SLC9A1: variants seen among roughly 807,000 people sequenced by gnomAD.
SLC9A1 encodes solute carrier family 9 member A1.
In SLC9A1, 22 loss-of-function variants were observed where a neutral mutation model predicts 67.9. That is an observed-to-expected ratio of 0.32 (90% CI 0.23 to 0.46). The LOEUF (loss-of-function observed/expected upper bound fraction) is 0.46. SLC9A1 is among the 20% of genes least tolerant of loss of function. The pLI is 1.00. For missense variants in SLC9A1, 686 were observed against 1,094.8 expected (o/e 0.63, Z 5.27); for synonymous variants, 421 against 471.8 (o/e 0.89, Z 1.40).
chr1:27,102,232 C>T (rs998026510), intron 8 of SLC9A1, 102 bp from the exon 9 acceptor site: 10 of 1,329,224 alleles, frequency 7.5e-6, no homozygotes, highest in Admixed American at 7.1e-5. Flanking sequence ...CCCAGGTGGG[C>T]GCCAAAGCCT....
rs956609694 is a variant in SLC9A1 at position 27,100,032 on chromosome 1, G to C, written c.*275C>G. On this transcript the variant is annotated 3_prime_UTR_variant, in exon 12 of 12. Coordinates refer to ENST00000263980, the MANE Select transcript of SLC9A1 (RefSeq NM_003047.5). This position sits in a 1 kb window ranked among gnomAD's most constrained non-coding sequence, Gnocchi z 5.6. ...GCCTCCGAGGCCCTAGTCCAGGTCC[G>C]GGAGAAGCCTGGATCTAGGGAGGGG... 7.5e-6 allele frequency: 3 copies of C among 401,350 alleles called. No individual in the cohort carries two copies. Among genetic ancestry groups the C allele is most frequent in the Admixed American group, 8.1e-5 (2 of 24,700 alleles). The allele number at this position is 401,350 out of a possible 1,614,324, so 24.9% of individuals were successfully genotyped here.
intron 1 of SLC9A1, among the ~76,000 whole-genome samples, chr1:27,147,527 G>T (rs1277626082): frequency 2.0e-5 from 3 of 151,736 alleles, no homozygotes; most frequent in Non-Finnish European, 4.4e-5. Context: ...AGGGAGTCAG[G>T]TGTGATGGCT....
chr1:27,131,646 G>C (rs1332816883), intron 1 of SLC9A1, among the ~76,000 whole-genome samples: 1 of 150,880 alleles, frequency 6.6e-6, no homozygotes, highest in Non-Finnish European at 1.5e-5. Context: ...TACTCAGAAG[G>C]CTGGGGCAGG....
chr1:27,100,841 C>T lies in SLC9A1; in HGVS notation c.2111-197G>A, dbSNP rs913655787. On this transcript the variant is annotated intron_variant, in intron 11 of 11. Coordinates refer to ENST00000263980, the MANE Select transcript of SLC9A1 (RefSeq NM_003047.5). The surrounding 1 kb of genome is among the most constrained non-coding windows in gnomAD (Gnocchi z 5.6). Reference sequence around the variant, plus strand: ...CTCAGACTGTGGCCCTCTCCTTTGACAGGGGCTCCCAGAGGTGTCCCTCCA... The same window carrying T: ...CTCAGACTGTGGCCCTCTCCTTTGATAGGGGCTCCCAGAGGTGTCCCTCCA... Among the ~76,000 whole-genome samples the T allele has an allele frequency of 6.6e-6, 1 of 152,258 alleles. No individual in the cohort carries two copies. Among genetic ancestry groups the T allele is most frequent in the Non-Finnish European group, 1.5e-5 (1 of 68,040 alleles).
At chr1:27,133,242 A>AT in intron 1 of SLC9A1, among the ~76,000 whole-genome samples, 1 of 151,844 alleles carries the variant, frequency 6.6e-6, no homozygotes, top group South Asian at 2.1e-4. Context: ...TAATTTCTGT[A>AT]TTTTTTAGTA....
chr1:27,111,581 T>C (rs1487410298), intron 2 of SLC9A1, among the ~76,000 whole-genome samples: 1 of 152,102 alleles, frequency 6.6e-6, no homozygotes, highest in African/African-American at 2.4e-5. Context: ...GCATCGCTTG[T>C]GCCCGGGAGC....
chr1:27,143,271 T>C (rs570340871), intron 1 of SLC9A1, among the ~76,000 whole-genome samples: 49 of 152,052 alleles, frequency 3.2e-4, no homozygotes, highest in Non-Finnish European at 5.7e-4. Flanking sequence ...ATGTTCCTCT[T>C]CTACCCCTGG....
intron 2 of SLC9A1, among the ~76,000 whole-genome samples, chr1:27,112,883 CAAAAAAAA>C (rs58540104): frequency 2.4e-5 from 1 of 41,502 alleles, no homozygotes; most frequent in African/African-American, 8.5e-5. Context: ...GACTCCATCT[CAAAAAAAA>C]AAAAAAAAAA....
intron 1 of SLC9A1, among the ~76,000 whole-genome samples, chr1:27,145,769 G>A (rs566076401): frequency 6.0e-4 from 92 of 152,250 alleles, no homozygotes; most frequent in Middle Eastern, 3.4e-3. Context: ...GGGAACTCTG[G>A]ATTCTTGGCA....
rs935436612 is a variant in SLC9A1 at position 27,106,415 on chromosome 1, T to TG, written c.1283-329dup. On this transcript the variant is annotated intron_variant, in intron 4 of 11. Coordinates refer to ENST00000263980, the MANE Select transcript of SLC9A1 (RefSeq NM_003047.5). This position sits in a 1 kb window ranked among gnomAD's most constrained non-coding sequence, Gnocchi z 4.3. ...ATACTTGTTAAATGTGATGGGTGTG[T>TG]GGGGGGTCATGATCCTATTCTCTCT... Among the ~76,000 whole-genome samples, 6 of 151,958 alleles carry TG rather than the reference T, an allele frequency of 3.9e-5. No individual in the cohort carries two copies. Among genetic ancestry groups the TG allele is most frequent in the Middle Eastern group, 3.4e-3 (1 of 292 alleles).
At chr1:27,133,782 T>TG (rs2083401512) in intron 1 of SLC9A1, among the ~76,000 whole-genome samples, 1 of 151,256 alleles carries the variant, frequency 6.6e-6, no homozygotes, top group African/African-American at 2.4e-5. Context: ...TTTTTTTTTT[T>TG]GGGACAGAAT....
rs1285904105 is a variant in SLC9A1 at position 27,105,874 on chromosome 1, TG to T, written c.1485+10del. 1 of 1,612,038 alleles carries T rather than the reference TG, an allele frequency of 6.2e-7. No homozygotes were observed. Among genetic ancestry groups the T allele is most frequent in the South Asian group, 1.1e-5 (1 of 91,074 alleles). Reference sequence around the variant, plus strand: ...CCCAAGGCAAGGGCCTGCCCTGCCCTGGCCCAGCACCTGCACAAAGACGGTG... The same window carrying T: ...CCCAAGGCAAGGGCCTGCCCTGCCCTGCCCAGCACCTGCACAAAGACGGTG... On this transcript the variant is annotated intron_variant, in intron 5 of 11. Coordinates refer to ENST00000263980, the MANE Select transcript of SLC9A1 (RefSeq NM_003047.5).
Position 27,109,620 on chromosome 1 carries a change from G to A in SLC9A1, c.971C>T (p.Ser324Phe). The change falls in exon 3 of 12, where the codon TCC (serine) becomes TTC (phenylalanine). Residue 324 changes from serine (S) to phenylalanine (F), a missense_variant. Physicochemically the swap from Ser to Phe is radical, Grantham distance 155. Around this residue, in one of 7 missense-constraint regions of SLC9A1, gnomAD observed 58 missense variants for 68.9 expected, o/e 0.84. Transcript: ENST00000263980. The surrounding 1 kb of genome is among the most constrained non-coding windows in gnomAD (Gnocchi z 5.5). Reference sequence around the variant, plus strand: ...GAGCGGCTCGATGACCCGGATGTGGGAGGTAAATCGGGAGGTGAAGGCTGC... The same window carrying A: ...GAGCGGCTCGATGACCCGGATGTGGAAGGTAAATCGGGAGGTGAAGGCTGC... ...VIAAFTSRFT[S>F]HIRVIEPLFV... 1 of 1,613,956 alleles carries A rather than the reference G, an allele frequency of 6.2e-7. No homozygotes were observed. Among genetic ancestry groups the A allele is most frequent in the Non-Finnish European group, 8.5e-7 (1 of 1,179,992 alleles).
Position 27,102,505 on chromosome 1 carries a change from C to T in SLC9A1, c.1700G>A (p.Arg567His), listed in dbSNP as rs908760655. Residue 567 changes from arginine to histidine, a missense_variant, in exon 8 of 12, where the codon CGC becomes CAC. Arg to His is a conservative substitution (Grantham distance 29, BLOSUM62 0). Coordinates refer to ENST00000263980, the MANE Select transcript of SLC9A1 (RefSeq NM_003047.5). ...GGCAATGAGCTGGGGCTCCTTGGAG[C>T]GCTCGCCAGCTATCAGACACTTCTT... ...YVKKCLIAGERSKEPQLIAFY... is the reference protein window; with the variant it reads ...YVKKCLIAGEHSKEPQLIAFY... 1 of 1,609,754 alleles carries T rather than the reference C, an allele frequency of 6.2e-7. No homozygotes were observed. The highest frequency in any genetic ancestry group is 8.5e-7 in the Non-Finnish European group (1 of 1,176,716).
At chr1:27,140,745 A>C (rs189296187) in intron 1 of SLC9A1, among the ~76,000 whole-genome samples, 1 of 152,324 alleles carries the variant, frequency 6.6e-6, no homozygotes, top group Non-Finnish European at 1.5e-5. Flanking sequence ...TTGTCATACA[A>C]AATCACCCTT....
intron 1 of SLC9A1, among the ~76,000 whole-genome samples, chr1:27,117,386 A>G (rs2083278953): frequency 6.6e-6 from 1 of 152,180 alleles, no homozygotes. Flanking sequence ...GGCAGAGTCT[A>G]AAGAGATAGT....
chr1:27,154,185 C>T lies in SLC9A1; in HGVS notation c.150G>A (p.Glu50=). 1.9e-6 allele frequency: 3 copies of T among 1,614,144 alleles called. No homozygotes were observed. The highest frequency in any genetic ancestry group is 2.5e-6 in the Non-Finnish European group (3 of 1,180,008). ...CCCCAATCGAGCGTTCTCGTGGTGGCTCTGAGCTTCGAATGGTGCTGGCAG... is the reference window on the plus strand; with the variant it reads ...CCCCAATCGAGCGTTCTCGTGGTGGTTCTGAGCTTCGAATGGTGCTGGCAG... ...SPTASTIRSS[E]PPRERSIGDV... is the part of the protein sequence containing the mutation. The change falls in exon 1 of 12, where the codon GAG becomes GAA. Residue 50 remains glutamate (E), a synonymous_variant. Transcript: ENST00000263980.
chr1:27,103,634 A>T, intron 5 of SLC9A1: 1 of 365,478 alleles, frequency 2.7e-6, no homozygotes, highest in Non-Finnish European at 5.2e-6. Flanking sequence ...AACCCCATGG[A>T]AGTCAGGCCC....
At chr1:27,138,693 C>G (rs1347079405) in intron 1 of SLC9A1, among the ~76,000 whole-genome samples, 6 of 152,092 alleles carry the variant, frequency 3.9e-5, no homozygotes, top group Non-Finnish European at 5.9e-5. Context: ...TATGGAGGAA[C>G]AGGCCTGGCA....
Sources: allele counts gnomAD v4.1 joint callset (sites outside exome capture counted in the v4.1 genomes callset), GRCh38; gene constraint gnomAD v4.1.1; regional missense constraint gnomAD v4.1.1; non-coding constraint Gnocchi (gnomAD v3.1); transcripts MANE v1.5; gene names NCBI Gene and HGNC (gene_info 2026-07-23, HGNC 2026-07-21).